The following SLC15A1 variants were observed in gnomAD, a reference collection of about 807,000 sequenced individuals.
SLC15A1 encodes the protein solute carrier family 15 member 1, also known as Caco-2 oligopeptide transporter.
Under a neutral mutation model 92.9 loss-of-function variants are expected in SLC15A1, and 83 were observed. The observed-to-expected ratio is 0.89, with a 90% CI of 0.75 to 1.07. The LOEUF is 1.07. Ranked by LOEUF, SLC15A1 falls within the 50% of genes least tolerant of loss-of-function variation. The pLI, the probability that SLC15A1 is intolerant of heterozygous loss-of-function variation, is 0.00. For synonymous variants in SLC15A1, 322 were observed against 318.2 expected (o/e 1.01, Z -0.13); for missense variants, 857 against 880.1 (o/e 0.97, Z 0.33).
Position 98,726,363 on chromosome 13 carries a change from G to A in SLC15A1, c.103+5C>T. ...TGAAGGGTGAGAAACGGCCAATACA[G>A]TTACCTCGCATTCCATAGTAGGAAA... On this transcript the variant is annotated splice_donor_5th_base_variant and intron_variant, in intron 3 of 22. Coordinates refer to ENST00000376503, the MANE Select transcript of SLC15A1 (RefSeq NM_005073.4). The A allele has an allele frequency of 1.9e-6, 3 of 1,614,186 alleles. No individual in the cohort carries two copies. The highest frequency in any genetic ancestry group is 8.5e-7 in the Non-Finnish European group (1 of 1,180,016).
intron 19 of SLC15A1, 36 bp downstream of exon 19, chr13:98,688,434 G>C: frequency 1.9e-6 from 3 of 1,605,356 alleles, no homozygotes; most frequent in Non-Finnish European, 1.7e-6. Context: ...AAAAATTCTT[G>C]AACCTTTGAG....
chr13:98,745,971 C>T (rs538057862), intron 1 of SLC15A1, among the ~76,000 whole-genome samples: 1 of 152,232 alleles, frequency 6.6e-6, no homozygotes, highest in East Asian at 1.9e-4. Context: ...TATTTTTCCA[C>T]CTAGGTACTA....
Position 98,712,531 on chromosome 13 carries a change from C to T in SLC15A1, c.777G>A (p.Glu259=). The change falls in exon 10 of 23, where the codon GAG becomes GAA. Residue 259 remains glutamate (E), a synonymous_variant. Transcript: ENST00000376503. ...RHRSKAFPKR[E]HWLDWAKEKY... ...TCTCTTTAGCCCAGTCCAGCCAGTG[C>T]TCCCTCTTGGGAAATGCCTTACTCC... 1.9e-6 allele frequency: 3 copies of T among 1,611,842 alleles called. No homozygotes were observed. Among genetic ancestry groups the T allele is most frequent in the Non-Finnish European group, 2.5e-6 (3 of 1,179,090 alleles).
At position 98,690,477 on chromosome 13, in the gene SLC15A1, C is replaced by T. The variant is rs575266627; in HGVS notation, c.1467-1900G>A. ...AGAGAGCATGTGGGCAGAGTGAAGC[C>T]GAGGAAGCAGAACGTTGGGCCTGAG... On this transcript the variant is annotated intron_variant, in intron 18 of 22. Coordinates refer to ENST00000376503, the MANE Select transcript of SLC15A1 (RefSeq NM_005073.4). Among the ~76,000 whole-genome samples the T allele has an allele frequency of 1.9e-3, 291 of 152,222 alleles. 1 individual carries two copies. Among genetic ancestry groups the T allele is most frequent in the Middle Eastern group, 3.4e-3 (1 of 294 alleles).
At chr13:98,717,370 T>G (rs983460372) in intron 8 of SLC15A1, among the ~76,000 whole-genome samples, 1 of 152,224 alleles carries the variant, frequency 6.6e-6, no homozygotes, top group African/African-American at 2.4e-5. Flanking sequence ...TCTTTAAGCT[T>G]CTGATTAACT....
rs534049646 is a variant in SLC15A1, at chr13:98,709,571, C to T, written c.1067+1G>A. On this transcript the variant is annotated splice_donor_variant, in intron 14 of 22. Transcript: ENST00000376503. LOFTEE classifies it high-confidence loss of function. ...ACCAACCCAACCCACCCGTCACCTA[C>T]GTGAAATTGAAGCCACATTTTGCAA... 53 of 1,613,950 alleles carry T rather than the reference C, an allele frequency of 3.3e-5. 1 individual carries two copies. The highest frequency in any genetic ancestry group is 5.5e-5 in the South Asian group (5 of 91,040).
chr13:98,717,411 A>G (rs975490056), intron 8 of SLC15A1, among the ~76,000 whole-genome samples: 2 of 152,224 alleles, frequency 1.3e-5, no homozygotes, highest in African/African-American at 4.8e-5. Flanking sequence ...GAATTTCTAG[A>G]GGCAGTGTTG....
intron 18 of SLC15A1, among the ~76,000 whole-genome samples, chr13:98,693,823 C>A (rs2088001328): frequency 6.6e-6 from 1 of 152,098 alleles, no homozygotes; most frequent in Non-Finnish European, 1.5e-5. Flanking sequence ...ACCTCAGGAC[C>A]CCAAAATCAC....
intron 1 of SLC15A1, among the ~76,000 whole-genome samples, chr13:98,743,368 G>A (rs927834941): frequency 4.6e-5 from 7 of 152,142 alleles, no homozygotes; most frequent in African/African-American, 1.4e-4. Flanking sequence ...CCAACCTCTC[G>A]TGGTTTTATA....
chr13:98,729,227 T>C (rs9517423), intron 1 of SLC15A1, among the ~76,000 whole-genome samples: 13,597 of 151,980 alleles, frequency 0.089, 828 homozygotes, highest in East Asian at 0.28. Context: ...AAAAATCATA[T>C]GTACCCCATA....
chr13:98,702,331 T>A, intron 18 of SLC15A1, 149 bp downstream of exon 18: 1 of 669,446 alleles, frequency 1.5e-6, no homozygotes, highest in Middle Eastern at 4.0e-4. Context: ...ATGGATTGAT[T>A]TTTTTGGGGA....
rs193199209 is a variant in SLC15A1, at chr13:98,684,161, A to G, written c.*563T>C. ...GACCAATGTGGGGTGGGCTCACAGT[A>G]CTCTAAGACAGTGTGTGTACGTGTG... is the stretch of plus-strand genomic sequence containing the variant. On this transcript the variant is annotated 3_prime_UTR_variant, in exon 23 of 23. Coordinates refer to ENST00000376503, the MANE Select transcript of SLC15A1 (RefSeq NM_005073.4). The G allele has an allele frequency of 3.3e-5, 5 of 152,742 alleles. No homozygotes were observed. The highest frequency in any genetic ancestry group is 1.3e-4 in the Admixed American group (2 of 15,342). The allele number at this position is 152,742 out of a possible 1,614,324, so 9.5% of individuals were successfully genotyped here. A position where few individuals can be genotyped will look rare whatever the true frequency, so the allele number is the denominator to read the frequency against.
At chr13:98,719,361 T>C in intron 7 of SLC15A1, 41 bp from the exon 8 acceptor site, 4 of 1,393,868 alleles carry the variant, frequency 2.9e-6, no homozygotes, top group Non-Finnish European at 4.1e-6. Context: ...ATGGCATTGG[T>C]AATGAGCATA....
chr13:98,693,534 A>G (rs1268655625), intron 18 of SLC15A1, among the ~76,000 whole-genome samples: 1 of 152,236 alleles, frequency 6.6e-6, no homozygotes, highest in African/African-American at 2.4e-5. Context: ...AGAAATATCT[A>G]TTTAAATACT....
At chr13:98,751,176 A>G (rs972298065) in intron 1 of SLC15A1, among the ~76,000 whole-genome samples, 3 of 152,212 alleles carry the variant, frequency 2.0e-5, no homozygotes, top group African/African-American at 7.2e-5. Context: ...GTAAAAATCA[A>G]ATCGGTTTTT....
At chr13:98,725,892 ATTTCT>A (rs1373230535) in intron 4 of SLC15A1, among the ~76,000 whole-genome samples, 2 of 151,920 alleles carry the variant, frequency 1.3e-5, no homozygotes, top group African/African-American at 4.8e-5. Flanking sequence ...TGCCTTGCTA[ATTTCT>A]TTATTTTTGG....
intron 11 of SLC15A1, among the ~76,000 whole-genome samples, chr13:98,711,161 T>C (rs1449038860): frequency 1.3e-5 from 2 of 152,122 alleles, no homozygotes; most frequent in Admixed American, 6.5e-5. Flanking sequence ...ACCACATGTG[T>C]TCATATATAT....
chr13:98,706,259 C>T lies in SLC15A1; in HGVS notation c.1150-6G>A. On this transcript the variant is annotated splice_region_variant and splice_polypyrimidine_tract_variant and intron_variant, in intron 15 of 22. Transcript: ENST00000376503. Reference sequence around the variant, plus strand: ...GGGAAGACTGGAAGAGTTTTCTGAGCAAAATAAAAGAAAATTGGCAGTGAG... The same window carrying T: ...GGGAAGACTGGAAGAGTTTTCTGAGTAAAATAAAAGAAAATTGGCAGTGAG... The T allele has an allele frequency of 1.2e-6, 2 of 1,610,480 alleles. No homozygotes were observed. The highest frequency in any genetic ancestry group is 1.7e-4 in the Middle Eastern group (1 of 6,028).
In SLC15A1 at chr13:98,692,328, A is replaced by G. The variant is rs537369145; in HGVS notation, c.1467-3751T>C. 1.9e-4 allele frequency among the ~76,000 whole-genome samples: 28 copies of G among 150,814 alleles called. No individual in the cohort carries two copies. The East Asian group carries it at 3.0e-3, about 16-fold the overall frequency. On this transcript the variant is annotated intron_variant, in intron 18 of 22. Coordinates refer to ENST00000376503, the MANE Select transcript of SLC15A1 (RefSeq NM_005073.4). ...ATCACCATGCCTGGCTAATTTTTAA[A>G]TTCTTATATTTGCAGAGAGGGAGTT...
Sources: allele counts gnomAD v4.1 joint callset (sites outside exome capture counted in the v4.1 genomes callset), GRCh38; gene constraint gnomAD v4.1.1; transcripts MANE v1.5; gene names NCBI Gene and HGNC (gene_info 2026-07-23, HGNC 2026-07-21).